SPAG16: variants seen among roughly 807,000 people sequenced by gnomAD.
The protein encoded by SPAG16 is sperm associated antigen 16, also known as sperm-associated antigen 16 protein.
SPAG16 carries 86 observed loss-of-function variants against 80.4 expected under a neutral mutation model. That is an observed-to-expected ratio of 1.07 (90% CI 0.90 to 1.28). The LOEUF (loss-of-function observed/expected upper bound fraction) is 1.28, where lower values mean the gene tolerates loss of function less well. Among genes scored for constraint, SPAG16 ranks in the 50% most tolerant of loss-of-function variants. The pLI, the probability that SPAG16 is intolerant of heterozygous loss-of-function variation, is 0.00. For synonymous variants in SPAG16, 294 were observed against 265.9 expected (o/e 1.11, Z -1.03); for missense variants, 870 against 765.3 (o/e 1.14, Z -1.61).
intron 15 of SPAG16, among the ~76,000 whole-genome samples, chr2:214,245,207 G>A (rs1260487507): frequency 2.6e-5 from 4 of 152,136 alleles, no homozygotes; most frequent in East Asian, 3.9e-4. Context: ...CTGAAATCAC[G>A]GATTTAGGAT....
intron 10 of SPAG16, among the ~76,000 whole-genome samples, chr2:213,837,841 G>A (rs1326969573): frequency 1.3e-5 from 2 of 152,194 alleles, no homozygotes; most frequent in Admixed American, 1.3e-4. Context: ...TCTAGGAGGT[G>A]TGATGGCAGA....
intron 15 of SPAG16, among the ~76,000 whole-genome samples, chr2:214,355,990 G>A (rs1327831050): frequency 2.9e-5 from 4 of 138,766 alleles, no homozygotes; most frequent in African/African-American, 1.1e-4. Flanking sequence ...CATGGACACA[G>A]GAAGGGGAAC....
intron 5 of SPAG16, among the ~76,000 whole-genome samples, chr2:213,331,265 T>A (rs1421420792): frequency 6.6e-6 from 1 of 152,170 alleles, no homozygotes; most frequent in African/African-American, 2.4e-5. Context: ...CACATAACAT[T>A]TCTAGACACT....
At position 213,312,244 on chromosome 2, in the gene SPAG16, C is replaced by G. The variant is rs1006057854; in HGVS notation, c.398+2067C>G. The stretch of plus-strand genomic sequence containing the variant: ...TGCCAGAACATAGTAGGAATTTGTT[C>G]TATGAACCACTGAAAAGTTTCCATT... On this transcript the variant is annotated intron_variant, in intron 4 of 15. Transcript: ENST00000331683. Among the ~76,000 whole-genome samples, 9 of 151,572 alleles carry G rather than the reference C, an allele frequency of 5.9e-5. No homozygotes were observed. The South Asian group carries it at 1.9e-3, about 31-fold the overall frequency.
chr2:214,321,372 TTAG>T (rs1366493955), intron 15 of SPAG16, among the ~76,000 whole-genome samples: 2 of 152,100 alleles, frequency 1.3e-5, no homozygotes, highest in East Asian at 1.9e-4. Flanking sequence ...ACTGAAGATA[TTAG>T]TAGGCATTTG....
At chr2:213,317,128 TC>T in intron 4 of SPAG16, 90 bp from the exon 5 acceptor site, 1 of 695,348 alleles carries the variant, frequency 1.4e-6, no homozygotes, top group Non-Finnish European at 2.4e-6. Context: ...ACTATAACAC[TC>T]CCTGAGACTT....
At chr2:213,542,720 T>C (rs916322211) in intron 10 of SPAG16, among the ~76,000 whole-genome samples, 1 of 152,140 alleles carries the variant, frequency 6.6e-6, no homozygotes, top group Non-Finnish European at 1.5e-5. Context: ...TTGATGCAGC[T>C]ATGTATGTCT....
chr2:214,301,159 A>G (rs1055728019), intron 15 of SPAG16, among the ~76,000 whole-genome samples: 1 of 151,256 alleles, frequency 6.6e-6, no homozygotes, highest in African/African-American at 2.4e-5. Flanking sequence ...ATAATTGAAC[A>G]TACACAAACC....
intron 10 of SPAG16, among the ~76,000 whole-genome samples, chr2:213,558,939 A>G (rs1256530646): frequency 6.6e-6 from 1 of 152,082 alleles, no homozygotes; most frequent in Admixed American, 6.6e-5. Flanking sequence ...AATTACTTCA[A>G]TATGTATCTT....
At chr2:214,071,979 A>G (rs1209386378) in intron 13 of SPAG16, among the ~76,000 whole-genome samples, 1 of 152,168 alleles carries the variant, frequency 6.6e-6, no homozygotes, top group African/African-American at 2.4e-5. Context: ...TTCAAAATAA[A>G]TTAATCATAA....
chr2:213,504,673 T>A (rs991649762), intron 10 of SPAG16, among the ~76,000 whole-genome samples: 9 of 152,168 alleles, frequency 5.9e-5, no homozygotes, highest in Non-Finnish European at 8.8e-5. Context: ...TTGGAAACCA[T>A]AAAATAATGG....
chr2:213,625,878 C>T (rs1174434623), intron 10 of SPAG16, among the ~76,000 whole-genome samples: 2 of 151,768 alleles, frequency 1.3e-5, no homozygotes, highest in East Asian at 1.9e-4. Context: ...TCAATAGAGA[C>T]GGGGTTTCAT....
At chr2:213,462,651 C>T (rs2072444017) in intron 9 of SPAG16, among the ~76,000 whole-genome samples, 1 of 152,210 alleles carries the variant, frequency 6.6e-6, no homozygotes, top group Admixed American at 6.5e-5. Flanking sequence ...ATTTCCCCTG[C>T]ATGCATTCAG....
chr2:214,377,442 CACAG>C (rs1438447404), intron 15 of SPAG16, among the ~76,000 whole-genome samples: 5 of 152,174 alleles, frequency 3.3e-5, no homozygotes, highest in Non-Finnish European at 2.9e-5. Flanking sequence ...TCATCTTGTA[CACAG>C]ACAATGTGAA....
At chr2:213,754,733 C>T (rs1179638547) in intron 10 of SPAG16, among the ~76,000 whole-genome samples, 1 of 151,472 alleles carries the variant, frequency 6.6e-6, no homozygotes, top group African/African-American at 2.4e-5. Flanking sequence ...TCTTCTCATT[C>T]ACCTGATGAA....
intron 10 of SPAG16, among the ~76,000 whole-genome samples, chr2:213,759,520 C>T (rs938135485): frequency 9.3e-5 from 14 of 150,870 alleles, no homozygotes; most frequent in African/African-American, 3.2e-4. Context: ...TTGAAGGAGC[C>T]GAGTTTTTAT....
intron 10 of SPAG16, among the ~76,000 whole-genome samples, chr2:213,686,856 T>G (rs1015268401): frequency 7.2e-5 from 11 of 151,826 alleles, no homozygotes; most frequent in Non-Finnish European, 1.5e-4. Context: ...GCTAAGTTTT[T>G]GTATTTTTAG....
intron 15 of SPAG16, chr2:214,239,569 A>G (rs1276840766): frequency 6.6e-6 from 1 of 152,172 alleles, no homozygotes; most frequent in Non-Finnish European, 1.5e-5. Context: ...ATCTTAAAGT[A>G]TGTATATTAA....
chr2:213,743,692 A>G (rs1193321459), intron 10 of SPAG16, among the ~76,000 whole-genome samples: 1 of 151,496 alleles, frequency 6.6e-6, no homozygotes, highest in Non-Finnish European at 1.5e-5. Flanking sequence ...TTCACATTCT[A>G]TACTCTTCAT....
Sources: gnomAD v4.1 joint callset for allele counts (sites outside exome capture counted in the v4.1 genomes callset) on GRCh38, gnomAD v4.1.1 for gene constraint, MANE v1.5 for transcripts, NCBI Gene and HGNC (gene_info 2026-07-23, HGNC 2026-07-21) for gene names.